COG4: variants seen among roughly 807,000 people sequenced by gnomAD.
COG4 encodes the protein conserved oligomeric Golgi complex subunit 4.
Under a neutral mutation model 95.1 loss-of-function variants are expected in COG4, and 65 were observed. That is an observed-to-expected ratio of 0.68 (90% CI 0.56 to 0.84). The LOEUF (loss-of-function observed/expected upper bound fraction) is 0.84. Among genes scored for constraint, COG4 ranks in the 40% least tolerant of loss-of-function variants. The pLI is 0.00. For synonymous variants in COG4, 421 were observed against 374.8 expected, an observed-to-expected ratio of 1.12 and a Z score of -1.42; for missense variants, 1,045 against 989.1, an observed-to-expected ratio of 1.06 and a Z score of -0.76.
chr16:70,511,549 T>TAA (rs752972070), intron 5 of COG4, among the ~76,000 whole-genome samples: 9 of 135,866 alleles, frequency 6.6e-5, no homozygotes, highest in African/African-American at 1.9e-4. Context: ...ACCGTTTCTA[T>TAA]AAAAAAAAAA....
intron 13 of COG4, among the ~76,000 whole-genome samples, chr16:70,487,605 A>C (rs1280501291): frequency 6.6e-6 from 1 of 152,210 alleles, no homozygotes; most frequent in Non-Finnish European, 1.5e-5. Context: ...CAATGATGAC[A>C]GCCAACTTGT....
At chr16:70,490,566 T>C (rs1289521768) in intron 12 of COG4, among the ~76,000 whole-genome samples, 174 bp from the exon 13 acceptor site, 3 of 152,176 alleles carry the variant, frequency 2.0e-5, no homozygotes, top group Non-Finnish European at 4.4e-5. Context: ...GCTCAGATCT[T>C]GGATTGGGCA....
At chr16:70,482,317 TCA>T in intron 15 of COG4, 142 bp from the exon 16 acceptor site, 1 of 716,098 alleles carries the variant, frequency 1.4e-6, no homozygotes, top group East Asian at 2.7e-5. Context: ...TAAAACCAGC[TCA>T]GACACCCAGG....
chr16:70,512,671 A>C (rs552266914), intron 4 of COG4, among the ~76,000 whole-genome samples: 11 of 152,264 alleles, frequency 7.2e-5, no homozygotes, highest in African/African-American at 2.6e-4. Flanking sequence ...AATACAGTAC[A>C]TGATGTGTCA....
intron 8 of COG4, among the ~76,000 whole-genome samples, chr16:70,501,843 T>C (rs543690424): frequency 2.0e-5 from 3 of 151,770 alleles, no homozygotes; most frequent in East Asian, 1.9e-4. Flanking sequence ...TTCAGATTTT[T>C]GTATCTTTAG....
At chr16:70,509,099 A>C (rs2049642527) in intron 7 of COG4, 132 bp downstream of exon 7, 4 of 1,110,504 alleles carry the variant, frequency 3.6e-6, no homozygotes, top group Admixed American at 1.8e-5. Flanking sequence ...GATGCAGGCC[A>C]GTGTGCGCTT....
intron 11 of COG4, 80 bp from the exon 12 acceptor site, chr16:70,496,511 G>A: frequency 7.1e-7 from 1 of 1,417,676 alleles, no homozygotes; most frequent in Non-Finnish European, 9.9e-7. Flanking sequence ...TCACCACTCT[G>A]ACCCAGCAGC....
chr16:70,487,897 T>C (rs1368473278), intron 13 of COG4, among the ~76,000 whole-genome samples: 1 of 152,208 alleles, frequency 6.6e-6, no homozygotes, highest in Non-Finnish European at 1.5e-5. Flanking sequence ...CGATCTCGGC[T>C]TGCTGCAACC....
intron 15 of COG4, 149 bp from the exon 16 acceptor site, chr16:70,482,324 C>G: frequency 1.4e-6 from 1 of 707,466 alleles, no homozygotes; most frequent in Non-Finnish European, 2.6e-6. Context: ...AGCTCAGACA[C>G]CCAGGCTGGC....
chr16:70,509,590 C>CA (rs2049655500), intron 6 of COG4, among the ~76,000 whole-genome samples: 1 of 152,142 alleles, frequency 6.6e-6, no homozygotes, highest in South Asian at 2.1e-4. Context: ...CACCAGCAGG[C>CA]ATTTGGTAAG....
chr16:70,493,882 C>T (rs1227614905), intron 12 of COG4, among the ~76,000 whole-genome samples: 1 of 152,040 alleles, frequency 6.6e-6, no homozygotes, highest in Non-Finnish European at 1.5e-5. Context: ...CTGCTGGTGG[C>T]ATGATGAGGA....
chr16:70,487,403 C>G (rs368155770), intron 13 of COG4, among the ~76,000 whole-genome samples: 6 of 152,228 alleles, frequency 3.9e-5, no homozygotes, highest in African/African-American at 1.4e-4. Context: ...TCGAGACCAG[C>G]CTGGCCAACA....
intron 8 of COG4, among the ~76,000 whole-genome samples, chr16:70,505,197 C>CTTTTT (rs767606425): frequency 4.1e-5 from 5 of 122,666 alleles, no homozygotes; most frequent in Non-Finnish European, 6.8e-5. Flanking sequence ...TTTGGATTTT[C>CTTTTT]TTTTTTTTTT....
chr16:70,509,209 A>G, intron 7 of COG4, 22 bp downstream of exon 7: 1 of 1,613,752 alleles, frequency 6.2e-7, no homozygotes, highest in Non-Finnish European at 8.5e-7. Context: ...ACCAAACCCT[A>G]CCTGTAGCTT....
intron 12 of COG4, among the ~76,000 whole-genome samples, chr16:70,490,920 A>G (rs567001424): frequency 6.6e-6 from 1 of 151,888 alleles, no homozygotes; most frequent in East Asian, 2.0e-4. Flanking sequence ...CGGCCTCCCA[A>G]AGTGCTGGGA....
intron 8 of COG4, chr16:70,501,596 C>T (rs573834639): frequency 2.7e-4 from 44 of 160,668 alleles, no homozygotes; most frequent in African/African-American, 8.7e-4. Flanking sequence ...CCTCGTGATC[C>T]GCCCGCCTCA....
At position 70,492,507 on chromosome 16, in the gene COG4, C is replaced by T. The variant is rs112066541; in HGVS notation, c.1648-2115G>A. On this transcript the variant is annotated intron_variant, in intron 12 of 18. Transcript: ENST00000323786. ...AACCCCGTCTCTACTAAAAAAAATA[C>T]AAAATTAGCCGGGCGTGGTGGTGCA... 6.6e-3 allele frequency among the ~76,000 whole-genome samples: 991 copies of T among 151,234 alleles called. 11 individuals carry two copies. The highest frequency in any genetic ancestry group is 0.011 in the Non-Finnish European group (717 of 67,778).
chr16:70,506,611 A>C (rs1027801279), intron 8 of COG4, among the ~76,000 whole-genome samples: 1 of 60,732 alleles, frequency 1.6e-5, no homozygotes, highest in Non-Finnish European at 3.2e-5. Flanking sequence ...AAAAAAAAAA[A>C]AAAAAACAAA....
chr16:70,506,646 G>T (rs930078800), intron 8 of COG4, among the ~76,000 whole-genome samples: 2 of 137,784 alleles, frequency 1.5e-5, no homozygotes, highest in Admixed American at 1.5e-4. Context: ...GCTGGGAGTG[G>T]TGACTGTAAT....
Sources: allele counts gnomAD v4.1 joint callset (sites outside exome capture counted in the v4.1 genomes callset), GRCh38; gene constraint gnomAD v4.1.1; transcripts MANE v1.5; gene names NCBI Gene and HGNC (gene_info 2026-07-23, HGNC 2026-07-21).